Variants in TUB observed in about 807,000 individuals in gnomAD.
TUB encodes the protein TUB bipartite transcription factor.
TUB carries 33 observed loss-of-function variants against 59.7 expected under a neutral mutation model. That is an observed-to-expected ratio of 0.55 (90% confidence interval 0.42 to 0.74). The LOEUF is 0.74. Ranked by LOEUF, TUB falls within the 30% of genes least tolerant of loss-of-function variation. TUB has a pLI of 0.00. For synonymous variants in TUB, 293 were observed against 256.4 expected (o/e 1.14, Z -1.36); for missense variants, 659 against 672.0 (o/e 0.98, Z 0.21).
intron 9 of TUB, among the ~76,000 whole-genome samples, chr11:8,099,250 C>T (rs1037263639): frequency 5.3e-5 from 8 of 152,138 alleles, no homozygotes; most frequent in Non-Finnish European, 1.2e-4. Context: ...TCTCACTGAA[C>T]GTTCAACCTA....
intron 1 of TUB, among the ~76,000 whole-genome samples, chr11:8,029,959 C>G (rs771385087): frequency 6.6e-6 from 1 of 152,144 alleles, no homozygotes; most frequent in Non-Finnish European, 1.5e-5. Context: ...AGTACCAAGA[C>G]AGCTGGACTG....
At chr11:8,041,622 C>CAT (rs1942752489) in intron 2 of TUB, among the ~76,000 whole-genome samples, 1 of 151,858 alleles carries the variant, frequency 6.6e-6, no homozygotes, top group Non-Finnish European at 1.5e-5. Context: ...ATGCATTCTG[C>CAT]CTCCCATATC....
intron 2 of TUB, among the ~76,000 whole-genome samples, chr11:8,056,115 C>T (rs1014119781): frequency 1.3e-5 from 2 of 152,310 alleles, no homozygotes; most frequent in African/African-American, 4.8e-5. Context: ...GTTTAGCCAA[C>T]AGTTCTGTCC....
rs749806365 is a variant in TUB, at chr11:8,090,126, G to T, written c.148G>T (p.Ala50Ser). ...KKRQEPLMVQ[A>S]NADGRPRSRR... ...GCGCCAGGAGCCCCTGATGGTGCAG[G>T]CCAATGCAGATGGGCGGCCCCGGAG... The change falls in exon 3 of 12, where the codon GCC becomes TCC. Residue 50 changes from alanine to serine, a missense_variant. By Grantham distance (99) the Ala-to-Ser change is moderately conservative. This residue lies in a region of TUB where 321 missense variants were observed against 304.3 expected (regional missense o/e 1.05). Coordinates refer to ENST00000299506, the MANE Select transcript of TUB (RefSeq NM_177972.3). 6.2e-7 allele frequency: 1 copy of T among 1,613,504 alleles called. No homozygotes were observed. Among genetic ancestry groups the T allele is most frequent in the South Asian group, 1.1e-5 (1 of 91,062 alleles).
At chr11:8,058,002 G>A (rs757491011) in intron 2 of TUB, among the ~76,000 whole-genome samples, 1 of 151,978 alleles carries the variant, frequency 6.6e-6, no homozygotes, top group Admixed American at 6.6e-5. Flanking sequence ...TTGAGGCCAG[G>A]AGTTCGAGAC....
At chr11:8,022,561 T>C (rs1011840151) in intron 1 of TUB, among the ~76,000 whole-genome samples, 3 of 152,176 alleles carry the variant, frequency 2.0e-5, no homozygotes, top group African/African-American at 7.2e-5. Context: ...TATTGCCATG[T>C]TAACAAGTGA....
Position 8,105,596 on chromosome 11 carries a change from T to TA in TUB, c.*3978dup, listed in dbSNP as rs1471564774. On this transcript the variant is annotated 3_prime_UTR_variant, in exon 12 of 12. Coordinates refer to ENST00000299506, the MANE Select transcript of TUB (RefSeq NM_177972.3). ...TTTTGAGCAAACCACATAATCTCTC[T>TA]AGGTCCATTTTCCTAACCACAAGAT... 2 of 152,230 alleles carry TA rather than the reference T, an allele frequency of 1.3e-5. No homozygotes were observed. Among genetic ancestry groups the TA allele is most frequent in the Non-Finnish European group, 2.9e-5 (2 of 68,046 alleles). 9.4% of individuals were successfully genotyped at this position (152,230 alleles called of 1,614,324 possible).
rs895074880 is a variant in TUB at position 8,104,530 on chromosome 11, G to A, written c.*2911G>A. On this transcript the variant is annotated 3_prime_UTR_variant, in exon 12 of 12. Transcript: ENST00000299506. ...TTATATTCCTGAGAATGAATGAGTA[G>A]GAAAGGAATAAGGATGTTGTTATGA... 3 of 152,160 alleles carry A rather than the reference G, an allele frequency of 2.0e-5. No homozygotes were observed. The highest frequency in any genetic ancestry group is 7.2e-5 in the African/African-American group (3 of 41,456). The allele number at this position is 152,160 out of a possible 1,614,324, so 9.4% of individuals were successfully genotyped here.
chr11:8,089,233 C>T (rs1482412204), intron 1 of TUB, among the ~76,000 whole-genome samples: 2 of 152,164 alleles, frequency 1.3e-5, no homozygotes, highest in Admixed American at 6.5e-5. Context: ...GAGGGAGCAG[C>T]CCCCTGGGTT....
intron 1 of TUB, among the ~76,000 whole-genome samples, chr11:8,030,840 A>T (rs970371666): frequency 5.9e-5 from 9 of 152,148 alleles, no homozygotes; most frequent in African/African-American, 2.2e-4. Context: ...CTCTACAAAG[A>T]TTCAATCCCA....
At chr11:8,025,565 A>G (rs532057203) in intron 1 of TUB, among the ~76,000 whole-genome samples, 2 of 152,222 alleles carry the variant, frequency 1.3e-5, no homozygotes, top group Non-Finnish European at 2.9e-5. Context: ...TTTTGTATAA[A>G]TGGAATAATC....
chr11:8,019,267 C>T (rs1942381656), exon 1 of TUB: 2 of 1,248,906 alleles, frequency 1.6e-6, no homozygotes, highest in Non-Finnish European at 2.0e-6. Flanking sequence ...AGCGCCGCCG[C>T]CGCCCGCGGA....
chr11:8,060,329 GAAAACC>G (rs1943099719), intron 2 of TUB, among the ~76,000 whole-genome samples: 1 of 152,196 alleles, frequency 6.6e-6, no homozygotes, highest in Admixed American at 6.5e-5. Context: ...CTCCGTACAG[GAAAACC>G]AGAGAGTGGG....
chr11:8,101,507 T>G lies in TUB; in HGVS notation c.1409T>G (p.Phe470Cys). The change falls in exon 12 of 12, where the codon TTT becomes TGT. Residue 470 changes from phenylalanine (F) to cysteine (C), a missense_variant. Phe to Cys is a radical substitution (Grantham distance 205). Around this residue, in one of 3 missense-constraint regions of TUB, gnomAD observed 226 missense variants for 210.8 expected, o/e 1.07. Coordinates refer to ENST00000299506, the MANE Select transcript of TUB (RefSeq NM_177972.3). The stretch of plus-strand genomic sequence containing the variant: ...CCAGCGGACTACATCGTGATGCAGT[T>G]TGGCCGGGTAGCAGAGGATGTGTTC... ...GNDPDYIVMQ[F>C]GRVAEDVFTM... The G allele has an allele frequency of 2.5e-6, 4 of 1,614,244 alleles. No individual in the cohort carries two copies. The highest frequency in any genetic ancestry group is 3.4e-6 in the Non-Finnish European group (4 of 1,180,046).
chr11:8,039,620 A>C, intron 1 of TUB: 1 of 1,473,620 alleles, frequency 6.8e-7, no homozygotes, highest in Admixed American at 2.4e-5. Context: ...GGATGTGGAG[A>C]GTCACCCCTT....
intron 2 of TUB, among the ~76,000 whole-genome samples, chr11:8,072,634 T>A (rs1036612687): frequency 2.0e-5 from 3 of 152,208 alleles, no homozygotes; most frequent in Admixed American, 6.5e-5. Flanking sequence ...AGCACAGCAT[T>A]CACAGACACA....
At chr11:8,088,375 A>T (rs922899600) in intron 1 of TUB, among the ~76,000 whole-genome samples, 2 of 152,148 alleles carry the variant, frequency 1.3e-5, no homozygotes, top group Admixed American at 6.5e-5. Context: ...CATCAGGAGG[A>T]GGTGAAAGTG....
intron 1 of TUB, among the ~76,000 whole-genome samples, chr11:8,023,218 G>A (rs1480568707): frequency 6.6e-6 from 1 of 152,170 alleles, no homozygotes; most frequent in Non-Finnish European, 1.5e-5. Flanking sequence ...TGAGGCCTAG[G>A]TTTAGAACTT....
At chr11:8,052,620 C>G (rs963755898) in intron 2 of TUB, among the ~76,000 whole-genome samples, 1 of 151,996 alleles carries the variant, frequency 6.6e-6, no homozygotes, top group African/African-American at 2.4e-5. Context: ...CAGGTGCCCA[C>G]CACCACGCCC....
Sources: allele counts gnomAD v4.1 joint callset (sites outside exome capture counted in the v4.1 genomes callset), GRCh38; gene constraint gnomAD v4.1.1; regional missense constraint gnomAD v4.1.1; transcripts MANE v1.5; gene names NCBI Gene and HGNC (gene_info 2026-07-23, HGNC 2026-07-21).